CAPS2: variants seen among roughly 807,000 people sequenced by gnomAD.
CAPS2 encodes the protein calcyphosin-2.
CAPS2 carries 98 observed loss-of-function variants against 86.5 expected under a neutral mutation model. That is an observed-to-expected ratio of 1.13 (90% confidence interval 0.96 to 1.34). CAPS2 has a LOEUF of 1.34. Ranked by LOEUF, CAPS2 falls within the 40% of genes most tolerant of loss-of-function variation. The pLI is 0.00. For missense variants in CAPS2, 729 were observed against 686.8 expected (o/e 1.06, Z -0.69); for synonymous variants, 210 against 225.1 (o/e 0.93, Z 0.60).
exon 17 of CAPS2, chr12:75,277,486 G>A: frequency 1.1e-6 from 1 of 907,944 alleles, no homozygotes; most frequent in Non-Finnish European, 1.3e-6. Context: ...ATGTCTTCTA[G>A]CATATTGTTT....
At chr12:75,302,165 C>T (rs2037899726) in intron 8 of CAPS2, among the ~76,000 whole-genome samples, 1 of 152,140 alleles carries the variant, frequency 6.6e-6, no homozygotes, top group African/African-American at 2.4e-5. Flanking sequence ...CTCTCTCCTC[C>T]TCTGGGAAAA....
In CAPS2 at chr12:75,292,784, T is replaced by G. The variant is rs979628353; in HGVS notation, c.1163+465A>C. ...TTCCTGTTATTAAAAAAATTCATTT[T>G]AAAAGCAATGTTTGATGTCTAGAAC... On this transcript the variant is annotated intron_variant, in intron 12 of 16. Transcript: ENST00000393284. Among the ~76,000 whole-genome samples the G allele has an allele frequency of 6.7e-5, 10 of 149,868 alleles. No individual in the cohort carries two copies. In the East Asian group the frequency reaches 1.9e-3, roughly 29 times the overall value.
In CAPS2 at chr12:75,298,701, C is replaced by A. The variant is rs773007096; in HGVS notation, c.1030G>T (p.Gly344Cys). The A allele has an allele frequency of 1.9e-6, 3 of 1,613,384 alleles. No homozygotes were observed. The Admixed American group carries it at 5.0e-5, about 27-fold the overall frequency. Residue 344 changes from glycine (G) to cysteine (C), a missense_variant, in exon 11 of 17, where the codon GGT becomes TGT. Gly to Cys is a radical substitution (Grantham distance 159, BLOSUM62 -3). Coordinates refer to ENST00000393284, the Ensembl canonical transcript of CAPS2. Reference sequence around the variant, plus strand: ...ACACCACTTACAACATAAAAATCACCAAGTCGGTATTGTTTTCCTTTTCTT... The same window carrying A: ...ACACCACTTACAACATAAAAATCACAAAGTCGGTATTGTTTTCCTTTTCTT...
upstream of CAPS2, chr12:75,334,569 C>T: frequency 7.0e-7 from 1 of 1,425,118 alleles, no homozygotes; most frequent in Middle Eastern, 2.5e-4. Flanking sequence ...TTCTTCCCCA[C>T]AGCGACACTG....
chr12:75,370,747 C>A (rs1023591339), intron 1 of CAPS2, among the ~76,000 whole-genome samples: 1 of 152,000 alleles, frequency 6.6e-6, no homozygotes, highest in African/African-American at 2.4e-5. Context: ...TTTAAATATG[C>A]CCCACAGAAA....
chr12:75,340,758 T>G (rs543705418), intron 1 of CAPS2, among the ~76,000 whole-genome samples: 1 of 149,102 alleles, frequency 6.7e-6, no homozygotes, highest in Admixed American at 6.6e-5. Flanking sequence ...AAAAATTCAA[T>G]TAGAAAATGA....
At chr12:75,305,237 C>A (rs905578412) in intron 7 of CAPS2, among the ~76,000 whole-genome samples, 2 of 152,074 alleles carry the variant, frequency 1.3e-5, no homozygotes, top group Non-Finnish European at 2.9e-5. Flanking sequence ...ATAAATGCCA[C>A]AACAGAAATT....
chr12:75,339,314 C>T (rs2041946142), intron 1 of CAPS2, among the ~76,000 whole-genome samples: 1 of 152,090 alleles, frequency 6.6e-6, no homozygotes, highest in African/African-American at 2.4e-5. Context: ...AAGATGGTAT[C>T]CAATTGTGGT....
intron 1 of CAPS2, among the ~76,000 whole-genome samples, chr12:75,354,139 C>A (rs778278697): frequency 7.6e-6 from 1 of 131,808 alleles, no homozygotes; most frequent in African/African-American, 3.0e-5. Context: ...GAAGTTCTGG[C>A]CAGAGCAATC....
intron 6 of CAPS2, among the ~76,000 whole-genome samples, chr12:75,314,202 G>A (rs1029488517): frequency 1.3e-5 from 2 of 152,100 alleles, no homozygotes; most frequent in Non-Finnish European, 2.9e-5. Flanking sequence ...CTATAGGTAT[G>A]AGCCACCATG....
At position 75,379,467 on chromosome 12, in the gene CAPS2, G is replaced by A. The variant is rs567063532; in HGVS notation, c.-395+11371C>T. On this transcript the variant is annotated intron_variant, in intron 1 of 5. Coordinates refer to the CAPS2 transcript ENST00000551829. ...AACAGCCTCTTGACAGGACATCTTG[G>A]GAAGCCTGTCATTGCTTGAGGTTCC... is the stretch of plus-strand genomic sequence containing the variant. 1.1e-4 allele frequency among the ~76,000 whole-genome samples: 16 copies of A among 152,230 alleles called. No individual in the cohort carries two copies. The East Asian group carries it at 3.1e-3, about 29-fold the overall frequency.
At chr12:75,333,639 A>G (rs750614881), upstream of CAPS2, among the ~76,000 whole-genome samples, 11 of 152,158 alleles carry the variant, frequency 7.2e-5, no homozygotes, top group Non-Finnish European at 1.0e-4. Context: ...TTTTCTTATA[A>G]TCTAATTTTC....
intron 1 of CAPS2, chr12:75,370,201 C>A (rs779652305): frequency 2.8e-5 from 33 of 1,162,008 alleles, no homozygotes; most frequent in Admixed American, 8.6e-5. Flanking sequence ...AAAAGAAATT[C>A]TCAAATGTTA....
chr12:75,280,648 GA>G lies in CAPS2; in HGVS notation c.1613-1584del, dbSNP rs1565752738. On this transcript the variant is annotated intron_variant, in intron 16 of 16. Transcript: ENST00000393284. ...GAAACAGATAATGACGTGTTTAAAG[GA>G]AAAAAATACACTAGCAACAATTAAA... Among the ~76,000 whole-genome samples, 8 of 151,638 alleles carry G rather than the reference GA, an allele frequency of 5.3e-5. No homozygotes were observed. In the South Asian group the frequency reaches 1.7e-3, roughly 31 times the overall value.
intron 12 of CAPS2, among the ~76,000 whole-genome samples, chr12:75,292,821 T>C (rs988311262): frequency 2.0e-5 from 3 of 150,690 alleles, no homozygotes; most frequent in African/African-American, 7.3e-5. Flanking sequence ...AATTTTTCAC[T>C]GTGCACTTTA....
intron 11 of CAPS2, among the ~76,000 whole-genome samples, chr12:75,297,626 A>G (rs2037126940): frequency 6.6e-6 from 1 of 152,034 alleles, no homozygotes; most frequent in Non-Finnish European, 1.5e-5. Flanking sequence ...CATTCCATCC[A>G]CATCTTCTCT....
chr12:75,325,327 A>G lies in CAPS2; in HGVS notation c.82-39T>C, dbSNP rs554307954. The G allele has an allele frequency of 2.2e-3, 2,996 of 1,345,430 alleles. 6 individuals carry two copies. The highest frequency in any genetic ancestry group is 2.8e-3 in the Non-Finnish European group (2,724 of 970,280). The allele number at this position is 1,345,430 out of a possible 1,614,324, so 83.3% of individuals were successfully genotyped here. ...AAAAACTTTTTGAATCAGTATAAAT[A>G]TGAATATACCCTTTATACTTTAAGA... On this transcript the variant is annotated intron_variant, in intron 1 of 16. Transcript: ENST00000393284.
upstream of CAPS2, among the ~76,000 whole-genome samples, chr12:75,331,938 T>C (rs1012273731): frequency 3.9e-5 from 6 of 152,188 alleles, no homozygotes; most frequent in Non-Finnish European, 4.4e-5. Context: ...ATTCCAGAAA[T>C]AGATGTTCAA....
At chr12:75,374,151 A>G (rs1174689355) in intron 1 of CAPS2, among the ~76,000 whole-genome samples, 1 of 152,210 alleles carries the variant, frequency 6.6e-6, no homozygotes, top group South Asian at 2.1e-4. Context: ...ACAACATCTT[A>G]TCTGCCACTG....
Sources: gnomAD v4.1 joint callset for allele counts (sites outside exome capture counted in the v4.1 genomes callset) on GRCh38, gnomAD v4.1.1 for gene constraint, MANE v1.5 for transcripts, NCBI Gene and HGNC (gene_info 2026-07-23, HGNC 2026-07-21) for gene names.